ADAMTS12: variants seen among roughly 807,000 people sequenced by gnomAD.
The protein encoded by ADAMTS12 is ADAM metallopeptidase with thrombospondin type 1 motif 12.
In ADAMTS12, 118 loss-of-function variants were observed where a neutral mutation model predicts 167.8. That is an observed-to-expected ratio of 0.70 (90% CI 0.61 to 0.82). The LOEUF (loss-of-function observed/expected upper bound fraction) is 0.82, where lower values mean the gene tolerates loss of function less well. ADAMTS12 is among the 40% of genes least tolerant of loss of function. ADAMTS12 has a pLI of 0.00. For synonymous variants in ADAMTS12, 704 were observed against 716.9 expected (o/e 0.98, Z 0.29); for missense variants, 1,916 against 1,998.8 (o/e 0.96, Z 0.79).
rs186623344 is a variant in ADAMTS12, at chr5:33,885,005, C to G, written c.128-3525G>C. Among the ~76,000 whole-genome samples, 17 of 152,260 alleles carry G rather than the reference C, an allele frequency of 1.1e-4. No individual in the cohort carries two copies. In the East Asian group the frequency reaches 2.7e-3, roughly 24 times the overall value. On this transcript the variant is annotated intron_variant, in intron 1 of 23. Coordinates refer to ENST00000504830, the MANE Select transcript of ADAMTS12 (RefSeq NM_030955.4). Reference sequence around the variant, plus strand: ...GTTATACTCTTCCAAGTCAAATGAGCTATAACCTATTGAAAAACTCTGAAA... The same window carrying G: ...GTTATACTCTTCCAAGTCAAATGAGGTATAACCTATTGAAAAACTCTGAAA...
chr5:33,662,030 T>C lies in ADAMTS12; in HGVS notation c.926A>G (p.Lys309Arg). Residue 309 changes from lysine (K) to arginine (R), a missense_variant, in exon 6 of 24, where the codon AAA becomes AGA. Physicochemically the swap from Lys to Arg is conservative, Grantham distance 26. Coordinates refer to ENST00000504830, the MANE Select transcript of ADAMTS12 (RefSeq NM_030955.4). ...ILLEEEEQGLKIVHHAEKTLS... is the reference protein window; with the variant it reads ...ILLEEEEQGLRIVHHAEKTLS... ...TGTCTTTTCTGCATGGTGAACTATT[T>C]TCAGTCCTTGCTGGAGAAAGAAGAG... The C allele has an allele frequency of 6.2e-7, 1 of 1,610,298 alleles. No individual in the cohort carries two copies.
chr5:33,660,777 T>C (rs1002258453), intron 6 of ADAMTS12, among the ~76,000 whole-genome samples: 22 of 152,170 alleles, frequency 1.4e-4, no homozygotes, highest in African/African-American at 5.1e-4. Flanking sequence ...CCAAGGTGTC[T>C]TAGAACCTAA....
intron 18 of ADAMTS12, among the ~76,000 whole-genome samples, chr5:33,579,037 G>C (rs2111974688): frequency 6.6e-6 from 1 of 152,326 alleles, no homozygotes; most frequent in Middle Eastern, 3.4e-3. Context: ...GCCCAACAGG[G>C]AGGAAACAGT....
intron 2 of ADAMTS12, among the ~76,000 whole-genome samples, chr5:33,852,969 G>A (rs1749273737): frequency 6.6e-6 from 1 of 152,126 alleles, no homozygotes; most frequent in Admixed American, 6.5e-5. Context: ...GAACTTAACA[G>A]AGGCAAGGTG....
At position 33,738,314 on chromosome 5, in the gene ADAMTS12, T is replaced by TG. The variant is rs138141627; in HGVS notation, c.634+13089_634+13090insC. ...CGTTGGGACTGCCCTTTGATTTTTT[T>TG]TTTGTTTGTTTGGTTACTCAGGCAT... is the stretch of plus-strand genomic sequence containing the variant. On this transcript the variant is annotated intron_variant, in intron 3 of 23. Transcript: ENST00000504830. Among the ~76,000 whole-genome samples, 424 of 151,762 alleles carry TG rather than the reference T, an allele frequency of 2.8e-3. 12 individuals carry two copies. In the East Asian group the frequency reaches 0.068, roughly 24 times the overall value.
At chr5:33,775,713 C>A (rs1165369457) in intron 2 of ADAMTS12, among the ~76,000 whole-genome samples, 1 of 152,316 alleles carries the variant, frequency 6.6e-6, no homozygotes, top group African/African-American at 2.4e-5. Context: ...ACATGACCCA[C>A]ATCACCCTTC....
At chr5:33,538,919 A>G (rs1429818897) in intron 22 of ADAMTS12, among the ~76,000 whole-genome samples, 1 of 152,162 alleles carries the variant, frequency 6.6e-6, no homozygotes, top group Non-Finnish European at 1.5e-5. Flanking sequence ...GAATGATGGC[A>G]GAATCTGTCC....
intron 2 of ADAMTS12, among the ~76,000 whole-genome samples, chr5:33,754,627 A>G (rs1254109120): frequency 1.3e-5 from 2 of 152,152 alleles, no homozygotes; most frequent in African/African-American, 4.8e-5. Flanking sequence ...TGGATCACTC[A>G]AGGTCAGGAG....
intron 23 of ADAMTS12, among the ~76,000 whole-genome samples, chr5:33,531,515 T>C (rs1028978802): frequency 6.6e-6 from 1 of 152,196 alleles, no homozygotes; most frequent in African/African-American, 2.4e-5. Flanking sequence ...AGCTTAGCAA[T>C]TGACCCAACA....
intron 16 of ADAMTS12, among the ~76,000 whole-genome samples, chr5:33,609,704 C>A (rs1416961190): frequency 6.6e-6 from 1 of 152,144 alleles, no homozygotes; most frequent in South Asian, 2.1e-4. Context: ...AAAGACAAGG[C>A]AAAGACTAGA....
At chr5:33,595,442 G>C (rs182507988) in intron 17 of ADAMTS12, among the ~76,000 whole-genome samples, 9 of 152,070 alleles carry the variant, frequency 5.9e-5, no homozygotes, top group Admixed American at 3.3e-4. Flanking sequence ...TGCAATTCAC[G>C]GACAGCCCCC....
chr5:33,604,472 G>A (rs1312209686), intron 16 of ADAMTS12, among the ~76,000 whole-genome samples: 1 of 150,244 alleles, frequency 6.7e-6, no homozygotes, highest in Non-Finnish European at 1.5e-5. Flanking sequence ...CTGCACTCTA[G>A]CTTGGGCAAA....
At chr5:33,802,847 T>G (rs1249769302) in intron 2 of ADAMTS12, among the ~76,000 whole-genome samples, 7 of 152,178 alleles carry the variant, frequency 4.6e-5, no homozygotes, top group Non-Finnish European at 1.0e-4. Flanking sequence ...GGTAACAAGT[T>G]TACTCTTCCA....
chr5:33,707,887 C>T (rs1395670213), intron 3 of ADAMTS12, among the ~76,000 whole-genome samples: 1 of 152,146 alleles, frequency 6.6e-6, no homozygotes, highest in African/African-American at 2.4e-5. Flanking sequence ...AGAACATAGG[C>T]ATGGACAAAG....
chr5:33,541,145 C>G (rs1465408602), intron 22 of ADAMTS12, among the ~76,000 whole-genome samples: 2 of 152,116 alleles, frequency 1.3e-5, no homozygotes, highest in Non-Finnish European at 2.9e-5. Context: ...CTTAAATGAC[C>G]TGATGGAGCT....
intron 2 of ADAMTS12, among the ~76,000 whole-genome samples, chr5:33,762,738 C>T (rs1368289845): frequency 6.6e-6 from 1 of 152,098 alleles, no homozygotes; most frequent in Non-Finnish European, 1.5e-5. Flanking sequence ...ATCTACTTTA[C>T]CATTTTTACC....
intron 2 of ADAMTS12, among the ~76,000 whole-genome samples, chr5:33,860,847 C>T (rs1373605855): frequency 1.3e-5 from 2 of 152,110 alleles, no homozygotes; most frequent in Non-Finnish European, 2.9e-5. Flanking sequence ...CTGCAGAAAC[C>T]CTATAAGCCA....
intron 2 of ADAMTS12, among the ~76,000 whole-genome samples, chr5:33,791,394 A>G (rs1293272203): frequency 6.6e-6 from 1 of 152,222 alleles, no homozygotes; most frequent in Non-Finnish European, 1.5e-5. Flanking sequence ...AATCTCTTTC[A>G]GCTCTAAATT....
intron 3 of ADAMTS12, among the ~76,000 whole-genome samples, chr5:33,695,529 T>C (rs1280666572): frequency 6.6e-6 from 1 of 152,120 alleles, no homozygotes; most frequent in African/African-American, 2.4e-5. Context: ...CAAAGGAAAT[T>C]TGGACACATA....
Sources: allele counts gnomAD v4.1 joint callset (sites outside exome capture counted in the v4.1 genomes callset), GRCh38; gene constraint gnomAD v4.1.1; transcripts MANE v1.5; gene names NCBI Gene and HGNC (gene_info 2026-07-23, HGNC 2026-07-21).